Variants in DCLRE1C observed in about 807,000 individuals in gnomAD.
DCLRE1C encodes the protein protein artemis.
In DCLRE1C, 47 loss-of-function variants were observed where a neutral mutation model predicts 61.4. The observed-to-expected ratio is 0.77, with a 90% CI of 0.61 to 0.98. The LOEUF is 0.98. Ranked by LOEUF, DCLRE1C falls within the 50% of genes least tolerant of loss-of-function variation. DCLRE1C has a pLI of 0.00. For synonymous variants in DCLRE1C, 337 were observed against 287.6 expected, an observed-to-expected ratio of 1.17 and a Z score of -1.74; for missense variants, 858 against 816.0, an observed-to-expected ratio of 1.05 and a Z score of -0.63.
intron 11 of DCLRE1C, chr10:14,923,272 C>CT (rs1837422105): frequency 1.7e-6 from 1 of 571,750 alleles, no homozygotes; most frequent in South Asian, 1.9e-5. Context: ...CTCCTGAACA[C>CT]TGAGTACTAG....
chr10:14,908,586 T>C lies in DCLRE1C; in HGVS notation c.1901A>G (p.Lys634Arg). The change falls in exon 14 of 14, where the codon AAA (lysine) becomes AGA (arginine). Residue 634 changes from lysine (K) to arginine (R), a missense_variant. This residue lies in a region of DCLRE1C where 843 missense variants were observed against 783.5 expected (regional missense o/e 1.08). Transcript: ENST00000378278. ...LSSETHIPEE[K>R]SLLNLSTNAD... is the part of the protein sequence containing the mutation. ...ATTTGTGCTAAGATTTAGCAAACTT[T>C]TTTCCTCGGGTATATGTGTCTCACT... 1 of 1,614,184 alleles carries C rather than the reference T, an allele frequency of 6.2e-7. No homozygotes were observed. Among genetic ancestry groups the C allele is most frequent in the Non-Finnish European group, 8.5e-7 (1 of 1,180,032 alleles).
Position 14,945,090 on chromosome 10 carries a change from A to G in DCLRE1C, c.246+15T>C, listed in dbSNP as rs781019003. On this transcript the variant is annotated intron_variant, in intron 3 of 13. Transcript: ENST00000378278. ...CACTTAAAAAAAATTAAGTTATTAA[A>G]AAAATAAAACTTACAATTCGTTTCT... 2.5e-6 allele frequency: 4 copies of G among 1,596,548 alleles called. No homozygotes were observed. In the African/African-American group the frequency reaches 4.0e-5, roughly 16 times the overall value.
chr10:14,950,152 C>G (rs937740405), intron 1 of DCLRE1C, among the ~76,000 whole-genome samples: 1 of 152,010 alleles, frequency 6.6e-6, no homozygotes, highest in Non-Finnish European at 1.5e-5. Flanking sequence ...ACCAGCCTGA[C>G]CAATACGGAG....
At chr10:14,915,348 AC>A (rs1271014727) in intron 13 of DCLRE1C, among the ~76,000 whole-genome samples, 1 of 152,004 alleles carries the variant, frequency 6.6e-6, no homozygotes, top group Non-Finnish European at 1.5e-5. Context: ...TGAAAATAAA[AC>A]CAAAAACTTC....
chr10:14,946,774 ACCT>A (rs1841762550), intron 2 of DCLRE1C, among the ~76,000 whole-genome samples: 1 of 151,648 alleles, frequency 6.6e-6, no homozygotes, highest in South Asian at 2.1e-4. Flanking sequence ...ATGCCACCAC[ACCT>A]GGCTCATTTT....
downstream of DCLRE1C, chr10:14,901,353 C>T (rs1206565279): frequency 4.6e-6 from 7 of 1,520,532 alleles, no homozygotes; most frequent in Non-Finnish European, 6.3e-6. Context: ...TTGAACCAAA[C>T]CTAATACTAA....
chr10:14,947,337 G>A (rs1398568950), intron 2 of DCLRE1C, among the ~76,000 whole-genome samples: 1 of 152,202 alleles, frequency 6.6e-6, no homozygotes, highest in Non-Finnish European at 1.5e-5. Flanking sequence ...TTAAGGGGCT[G>A]ACATCTGAAG....
intron 11 of DCLRE1C, chr10:14,923,353 C>T: frequency 2.7e-6 from 1 of 366,508 alleles, no homozygotes; most frequent in Non-Finnish European, 5.1e-6. Flanking sequence ...TGAGAATCAC[C>T]AATGGGACTC....
At chr10:14,931,687 TCTAGA>T (rs1167542132) in intron 9 of DCLRE1C, among the ~76,000 whole-genome samples, 7 of 151,950 alleles carry the variant, frequency 4.6e-5, no homozygotes, top group Non-Finnish European at 8.8e-5. Context: ...AAAAGTTATG[TCTAGA>T]TATTTATCTC....
At chr10:14,914,160 C>T (rs1399806152) in intron 13 of DCLRE1C, among the ~76,000 whole-genome samples, 2 of 152,250 alleles carry the variant, frequency 1.3e-5, no homozygotes, top group East Asian at 3.9e-4. Flanking sequence ...AAGAAACCCA[C>T]TTTAAATATA....
chr10:14,901,691 C>T (rs546920423), downstream of DCLRE1C, among the ~76,000 whole-genome samples: 7 of 151,912 alleles, frequency 4.6e-5, no homozygotes, highest in East Asian at 1.4e-3. Context: ...ACTAGCCGGG[C>T]GTGGTGGCGT....
chr10:14,899,792 C>G, downstream of DCLRE1C: 1 of 1,310,050 alleles, frequency 7.6e-7, no homozygotes, highest in Non-Finnish European at 1.0e-6. Context: ...TTTAACATTT[C>G]CAAAATATGT....
intron 9 of DCLRE1C, among the ~76,000 whole-genome samples, chr10:14,932,312 T>C (rs1253111773): frequency 1.3e-5 from 2 of 152,140 alleles, no homozygotes; most frequent in Non-Finnish European, 2.9e-5. Flanking sequence ...ATTTGAATTA[T>C]CAAACGTGTA....
upstream of DCLRE1C, chr10:14,954,151 C>T (rs1842854324): frequency 3.5e-6 from 5 of 1,444,014 alleles, no homozygotes; most frequent in South Asian, 3.6e-5. Context: ...TCAGAGGAGT[C>T]CGGAGACCGG....
At chr10:14,936,274 GT>G (rs1839894625) in intron 5 of DCLRE1C, among the ~76,000 whole-genome samples, 1 of 147,814 alleles carries the variant, frequency 6.8e-6, no homozygotes, top group African/African-American at 2.5e-5. Flanking sequence ...GAACAAATGT[GT>G]TTTAAATGAC....
intron 13 of DCLRE1C, among the ~76,000 whole-genome samples, chr10:14,911,700 A>G (rs1374601689): frequency 6.6e-6 from 1 of 152,234 alleles, no homozygotes; most frequent in Non-Finnish European, 1.5e-5. Flanking sequence ...ATATTTCCTA[A>G]TCATGTCAGA....
At position 14,908,288 on chromosome 10, in the gene DCLRE1C, A is replaced by T; in HGVS notation, c.*120T>A. ...AGTGCTGGGATTACAAGTGTGAGCC[A>T]CCACACCCAACCAGGTTATTTGAAC... On this transcript the variant is annotated 3_prime_UTR_variant, in exon 14 of 14. Coordinates refer to ENST00000378278, the MANE Select transcript of DCLRE1C (RefSeq NM_001033855.3). 1.2e-6 allele frequency: 1 copy of T among 838,718 alleles called. No homozygotes were observed. The highest frequency in any genetic ancestry group is 1.9e-6 in the Non-Finnish European group (1 of 525,270). 52.0% of individuals were successfully genotyped at this position (838,718 alleles called of 1,614,324 possible).
chr10:14,939,972 T>A, intron 3 of DCLRE1C, 103 bp from the exon 4 acceptor site: 1 of 859,952 alleles, frequency 1.2e-6, no homozygotes, highest in South Asian at 1.5e-5. Flanking sequence ...AGTTTCAGAC[T>A]CTCTATATAA....
downstream of DCLRE1C, chr10:14,904,024 G>A (rs1212484088): frequency 6.6e-6 from 1 of 152,222 alleles, no homozygotes; most frequent in East Asian, 1.9e-4. Flanking sequence ...TGGGGGGCCA[G>A]GCCTGTGTGG....
Sources: gnomAD v4.1 joint callset for allele counts (sites outside exome capture counted in the v4.1 genomes callset) on GRCh38, gnomAD v4.1.1 for gene constraint, gnomAD v4.1.1 regional missense constraint, MANE v1.5 for transcripts, NCBI Gene and HGNC (gene_info 2026-07-23, HGNC 2026-07-21) for gene names.